The following PDLIM7 variants were observed in gnomAD, a reference collection of about 807,000 sequenced individuals.
PDLIM7 encodes PDZ and LIM domain protein 7.
A neutral mutation model predicts 53.9 loss-of-function variants in PDLIM7; 37 were observed. That is an observed-to-expected ratio of 0.69 (90% CI 0.53 to 0.90). The LOEUF is 0.90. Among genes scored for constraint, PDLIM7 ranks in the 40% least tolerant of loss-of-function variants. The probability of loss-of-function intolerance (pLI) is 0.00; values close to 1 mark genes in which losing one functional copy is unlikely to be tolerated. For missense variants in PDLIM7, 617 were observed against 638.5 expected (o/e 0.97, Z 0.36); for synonymous variants, 300 against 261.3 (o/e 1.15, Z -1.43).
chr5:177,489,971 G>A (rs755005522), intron 7 of PDLIM7, 139 bp from the exon 8 acceptor site: 215 of 1,535,894 alleles, frequency 1.4e-4, no homozygotes, highest in Non-Finnish European at 1.8e-4. Flanking sequence ...TCCCACTGGG[G>A]TAGGGATGGG....
At chr5:177,490,608 G>A (rs774529806) in intron 7 of PDLIM7, 2 of 1,536,276 alleles carry the variant, frequency 1.3e-6, no homozygotes, top group African/African-American at 1.4e-5. Flanking sequence ...GGGGCAGAGA[G>A]AGAGGGAGGA....
chr5:177,490,251 C>G, intron 7 of PDLIM7: 1 of 1,447,918 alleles, frequency 6.9e-7, no homozygotes, highest in Non-Finnish European at 9.0e-7. Context: ...GCAAGCAGGG[C>G]TGAGAATGTT....
In PDLIM7 at chr5:177,483,599, C is replaced by A; in HGVS notation, c.*45G>T. On this transcript the variant is annotated 3_prime_UTR_variant, in exon 13 of 13. Coordinates refer to ENST00000355841, the MANE Select transcript of PDLIM7 (RefSeq NM_005451.5). ...AGAAATGCAGGGCCACGACTCCAGG[C>A]CCCTCAGGCTAGGGGCCACCGCGGC... is the stretch of plus-strand genomic sequence containing the variant. 7.1e-7 allele frequency: 1 copy of A among 1,406,092 alleles called. No homozygotes were observed. The highest frequency in any genetic ancestry group is 1.2e-5 in the South Asian group (1 of 85,188). 87.1% of individuals were successfully genotyped at this position (1,406,092 alleles called of 1,614,324 possible).
chr5:177,491,462 G>A lies in PDLIM7; in HGVS notation c.399-316C>T, dbSNP rs201916557. The A allele has an allele frequency of 2.8e-5, 42 of 1,474,730 alleles. No individual in the cohort carries two copies. In the East Asian group the frequency reaches 4.4e-4, roughly 16 times the overall value. 91.4% of individuals were successfully genotyped at this position (1,474,730 alleles called of 1,614,324 possible). On this transcript the variant is annotated intron_variant, in intron 5 of 12. Transcript: ENST00000355841. The stretch of plus-strand genomic sequence containing the variant: ...ACAGACAGACAGATAAAGGGACAAA[G>A]GGACAGACACAGGAGAGGAAGAAAG...
Position 177,489,376 on chromosome 5 carries a change from AG to A in PDLIM7, c.869+16del. The A allele has an allele frequency of 6.5e-7, 1 of 1,529,130 alleles. No homozygotes were observed. The highest frequency in any genetic ancestry group is 8.9e-7 in the Non-Finnish European group (1 of 1,129,032). The allele number at this position is 1,529,130 out of a possible 1,614,324, so 94.7% of individuals were successfully genotyped here. On this transcript the variant is annotated intron_variant, in intron 9 of 12. Transcript: ENST00000355841. The stretch of plus-strand genomic sequence containing the variant: ...CAGGATGGGAAAGCCAGGGTCGGAC[AG>A]GAACAGGCCACCCACCGGATGACCT...
intron 10 of PDLIM7, among the ~76,000 whole-genome samples, chr5:177,486,167 C>T (rs1459826791): frequency 6.6e-6 from 1 of 151,982 alleles, no homozygotes; most frequent in African/African-American, 2.4e-5. Context: ...AATCCTCCCA[C>T]CTTGGCCTCC....
intron 2 of PDLIM7, among the ~76,000 whole-genome samples, chr5:177,495,595 C>A (rs981600079): frequency 3.3e-5 from 5 of 152,228 alleles, no homozygotes; most frequent in Non-Finnish European, 7.3e-5. Flanking sequence ...GAGAGGCCCA[C>A]CAGTGGGGTT....
rs757511895 is a variant in PDLIM7 at position 177,488,139 on chromosome 5, T to C, written c.979A>G (p.Ile327Val). ...ACGTCATAGCATGGTGGGCAGAAGA[T>C]GGCGCCCTTCTCCTCAAAGAAGCCA... The part of the protein sequence containing the change: ...EGGFFEEKGA[I>V]FCPPCYDVRY... The change falls in exon 10 of 13, where the codon ATC (isoleucine) becomes GTC (valine). Residue 327 changes from isoleucine (I) to valine (V), a missense_variant. Physicochemically the swap from Ile to Val is conservative, Grantham distance 29. Transcript: ENST00000355841. The C allele has an allele frequency of 1.9e-6, 3 of 1,613,386 alleles. No individual in the cohort carries two copies. The highest frequency in any genetic ancestry group is 2.2e-5 in the East Asian group (1 of 44,860).
At chr5:177,497,369 C>T (rs1300642536) in intron 1 of PDLIM7, among the ~76,000 whole-genome samples, 159 bp downstream of exon 1, 1 of 152,048 alleles carries the variant, frequency 6.6e-6, no homozygotes, top group Non-Finnish European at 1.5e-5. Flanking sequence ...CCGCAGCCGG[C>T]TTAGCGGCAG....
intron 10 of PDLIM7, 85 bp downstream of exon 10, chr5:177,487,981 GGA>G (rs1758548159): frequency 3.7e-6 from 5 of 1,349,466 alleles, no homozygotes; most frequent in Non-Finnish European, 5.0e-6. Flanking sequence ...GCTCACTCGG[GGA>G]GAGACCTGGA....
intron 2 of PDLIM7, among the ~76,000 whole-genome samples, chr5:177,493,623 T>C (rs760989638): frequency 3.9e-5 from 6 of 152,224 alleles, no homozygotes; most frequent in Non-Finnish European, 5.9e-5. Context: ...TTTTAATGTC[T>C]GGGATTGGGT....
chr5:177,492,153 C>T (rs1758830064), intron 4 of PDLIM7: 1 of 609,714 alleles, frequency 1.6e-6, no homozygotes, highest in Non-Finnish European at 2.9e-6. Flanking sequence ...CGAGTGCGGG[C>T]GAGCACGCAG....
rs200366054 is a variant in PDLIM7, at chr5:177,483,868, G to T, written c.1286C>A (p.Ala429Glu). 3 of 1,612,544 alleles carry T rather than the reference G, an allele frequency of 1.9e-6. No homozygotes were observed. The highest frequency in any genetic ancestry group is 2.5e-6 in the Non-Finnish European group (3 of 1,179,084). Residue 429 changes from alanine to glutamate, a missense_variant and splice_region_variant, in exon 12 of 13, where the codon GCG becomes GAG. By Grantham distance (107) the Ala-to-Glu change is moderately radical. Transcript: ENST00000355841. Reference sequence around the variant, plus strand: ...CAGTTCGAGGGGCGGGGCTCTCACCGCACAGACGAAGCAGGTGTCATGCCA... The same window carrying T: ...CAGTTCGAGGGGCGGGGCTCTCACCTCACAGACGAAGCAGGTGTCATGCCA... Reference protein sequence around the residue: ...FSWHDTCFVCAICQINLEGKT... With the variant: ...FSWHDTCFVCEICQINLEGKT...
intron 1 of PDLIM7, 146 bp downstream of exon 1, chr5:177,497,382 A>AGGCGGG (rs915647817): frequency 5.4e-4 from 82 of 152,066 alleles, no homozygotes; most frequent in Admixed American, 1.4e-3. Flanking sequence ...AGCGGCAGGA[A>AGGCGGG]GGCGGGGGCG....
At chr5:177,487,331 T>G (rs1758516966) in intron 10 of PDLIM7, among the ~76,000 whole-genome samples, 2 of 152,244 alleles carry the variant, frequency 1.3e-5, no homozygotes, top group Middle Eastern at 3.2e-3. Context: ...CCACTGGGTG[T>G]GGTCATGTGA....
intron 2 of PDLIM7, among the ~76,000 whole-genome samples, chr5:177,496,002 G>A (rs760520931): frequency 1.3e-5 from 2 of 152,012 alleles, no homozygotes; most frequent in African/African-American, 4.8e-5. Context: ...CTGGAAAAAC[G>A]GGATGAGGAT....
chr5:177,490,517 C>G, intron 7 of PDLIM7: 1 of 1,562,742 alleles, frequency 6.4e-7, no homozygotes, highest in South Asian at 1.2e-5. Context: ...ACGTTGAGCA[C>G]GTGGGCAGAG....
rs375552771 is a variant in PDLIM7, at chr5:177,492,416, T to C, written c.268A>G (p.Lys90Glu). Residue 90 changes from lysine to glutamate, a missense_variant, in exon 4 of 13, where the codon AAA (lysine) becomes GAA (glutamate). Coordinates refer to ENST00000355841, the MANE Select transcript of PDLIM7 (RefSeq NM_005451.5). ...GGCCAGCCTCGTACCTTCTGCGGTT[T>C]GCTCTGAACCGGCTGGGCCCTGGAG... ...GLSRAQPVQS[K>E]PQKASAPAAD... 1.9e-6 allele frequency: 3 copies of C among 1,613,460 alleles called. No individual in the cohort carries two copies. The African/African-American group carries it at 4.0e-5, about 22-fold the overall frequency.
At chr5:177,492,973 A>C in intron 2 of PDLIM7, 8 of 403,502 alleles carry the variant, frequency 2.0e-5, no homozygotes, top group South Asian at 7.6e-5. Flanking sequence ...CACCGCCACC[A>C]CCCTCCCCCA....
Sources: gnomAD v4.1 joint callset for allele counts (sites outside exome capture counted in the v4.1 genomes callset) on GRCh38, gnomAD v4.1.1 for gene constraint, MANE v1.5 for transcripts, NCBI Gene and HGNC (gene_info 2026-07-23, HGNC 2026-07-21) for gene names.